LMCD1: variants seen among roughly 807,000 people sequenced by gnomAD.
The protein encoded by LMCD1 is LIM and cysteine rich domains 1, also known as LIM and cysteine-rich domains protein 1.
In LMCD1, 32 loss-of-function variants were observed where a neutral mutation model predicts 42.7. That is an observed-to-expected ratio of 0.75 (90% CI 0.57 to 1.01). The LOEUF is 1.01. Ranked by LOEUF, LMCD1 falls within the 50% of genes least tolerant of loss-of-function variation. The pLI is 0.00. For synonymous variants in LMCD1, 178 were observed against 184.9 expected (o/e 0.96, Z 0.30); for missense variants, 458 against 483.1 (o/e 0.95, Z 0.49).
At chr3:8,530,558 T>C (rs1354920018) in intron 1 of LMCD1, among the ~76,000 whole-genome samples, 1 of 152,236 alleles carries the variant, frequency 6.6e-6, no homozygotes, top group African/African-American at 2.4e-5. Context: ...AGCTGAAGTG[T>C]GCAGGGTGCT....
At chr3:8,554,800 A>C (rs1694901626) in intron 4 of LMCD1, among the ~76,000 whole-genome samples, 1 of 152,134 alleles carries the variant, frequency 6.6e-6, no homozygotes, top group Non-Finnish European at 1.5e-5. Flanking sequence ...AATTAAATAC[A>C]CAGATTTCCC....
At chr3:8,506,248 G>C (rs1271607278) in intron 1 of LMCD1, among the ~76,000 whole-genome samples, 1 of 152,160 alleles carries the variant, frequency 6.6e-6, no homozygotes, top group African/African-American at 2.4e-5. Context: ...AAGCATCTCA[G>C]CTCCAAGGCT....
chr3:8,543,698 T>C (rs967256483), intron 3 of LMCD1, among the ~76,000 whole-genome samples: 1 of 152,170 alleles, frequency 6.6e-6, no homozygotes, highest in Non-Finnish European at 1.5e-5. Context: ...CCAGGTTGGC[T>C]TCAAGCAATC....
In LMCD1 at chr3:8,517,848, G is replaced by A. The variant is rs543750077; in HGVS notation, c.43-14889G>A. Among the ~76,000 whole-genome samples the A allele has an allele frequency of 3.3e-4, 50 of 152,158 alleles. 1 individual carries two copies. The South Asian group carries it at 1.0e-2, about 30-fold the overall frequency. ...AGAGATAATTTTTTTCAAGAAATAT[G>A]TTTTTAAACATGTGTTTAAAGAAAA... On this transcript the variant is annotated intron_variant, in intron 1 of 5. Coordinates refer to ENST00000157600, the MANE Select transcript of LMCD1 (RefSeq NM_014583.4).
At position 8,533,535 on chromosome 3, in the gene LMCD1, G is replaced by T. The variant is rs1694452472; in HGVS notation, c.131+710G>T. Reference sequence around the variant, plus strand: ...TTCTGTGGAGCACATAGCAAAGAAAGAGTTTTTATCACCACTGCTGTAGCG... The same window carrying T: ...TTCTGTGGAGCACATAGCAAAGAAATAGTTTTTATCACCACTGCTGTAGCG... On this transcript the variant is annotated intron_variant, in intron 2 of 5. Transcript: ENST00000157600. 2.6e-5 allele frequency among the ~76,000 whole-genome samples: 4 copies of T among 152,170 alleles called. No individual in the cohort carries two copies. The South Asian group carries it at 8.3e-4, about 32-fold the overall frequency.
rs970817727 is a variant in LMCD1 at position 8,571,574 on chromosome 3, A to G, written c.*3976A>G. On this transcript the variant is annotated 3_prime_UTR_variant, in exon 6 of 6. Coordinates refer to ENST00000157600, the MANE Select transcript of LMCD1 (RefSeq NM_014583.4). ...AGATATGACTTTGGGGATGGAGACA[A>G]AGGGAGGATGGAGAGAAACGACTGG... 6.6e-6 allele frequency: 1 copy of G among 152,176 alleles called. No individual in the cohort carries two copies. The highest frequency in any genetic ancestry group is 1.9e-4 in the East Asian group (1 of 5,182). The allele number at this position is 152,176 out of a possible 1,614,324, so 9.4% of individuals were successfully genotyped here. A position where few individuals can be genotyped will look rare whatever the true frequency, so the allele number is the denominator to read the frequency against.
Position 8,563,170 on chromosome 3 carries a change from G to T in LMCD1, c.724-2262G>T, listed in dbSNP as rs148030800. 1.3e-3 allele frequency among the ~76,000 whole-genome samples: 193 copies of T among 152,322 alleles called. 1 individual carries two copies. Among genetic ancestry groups the T allele is most frequent in the African/African-American group, 4.4e-3 (185 of 41,574 alleles). On this transcript the variant is annotated intron_variant, in intron 4 of 5. Coordinates refer to ENST00000157600, the MANE Select transcript of LMCD1 (RefSeq NM_014583.4). ...GCAAGCATAGTTGGATGTGGCTCCT[G>T]CTTCCATCTAGTGTAGAAAGAACAG...
At chr3:8,530,076 G>A (rs1694383698) in intron 1 of LMCD1, among the ~76,000 whole-genome samples, 1 of 152,174 alleles carries the variant, frequency 6.6e-6, no homozygotes, top group African/African-American at 2.4e-5. Flanking sequence ...CGAAACAGTT[G>A]CTTGCTCTCT....
At chr3:8,537,049 G>T (rs143170239) in intron 2 of LMCD1, 136 bp from the exon 3 acceptor site, 2 of 950,412 alleles carry the variant, frequency 2.1e-6, no homozygotes, top group Middle Eastern at 3.2e-4. Context: ...TTTGTCTCAG[G>T]TTACCATTTG....
chr3:8,527,411 T>A (rs761700093), intron 1 of LMCD1, among the ~76,000 whole-genome samples: 12 of 152,160 alleles, frequency 7.9e-5, no homozygotes, highest in Non-Finnish European at 1.5e-4. Context: ...TATACTTCAG[T>A]GGGAAGTCAT....
chr3:8,512,294 T>G (rs2125011856), intron 1 of LMCD1, among the ~76,000 whole-genome samples: 1 of 152,354 alleles, frequency 6.6e-6, no homozygotes, highest in Middle Eastern at 3.4e-3. Flanking sequence ...ACTTCAAATA[T>G]CTGACTTGGT....
chr3:8,545,483 G>A (rs1037872555), intron 3 of LMCD1, among the ~76,000 whole-genome samples: 42 of 152,316 alleles, frequency 2.8e-4, no homozygotes, highest in African/African-American at 9.9e-4. Context: ...GAAGCAGCTA[G>A]GAATCGTCCT....
At position 8,550,132 on chromosome 3, in the gene LMCD1, G is replaced by T. The variant is rs1694814196; in HGVS notation, c.723+1229G>T. On this transcript the variant is annotated intron_variant, in intron 4 of 5. Coordinates refer to ENST00000157600, the MANE Select transcript of LMCD1 (RefSeq NM_014583.4). ...GAGAAAACAGAAAGGAGAAGCCAGA[G>T]TTGGGGAGATGAAAGCCTCATGGCT... 7 of 1,376,338 alleles carry T rather than the reference G, an allele frequency of 5.1e-6. No homozygotes were observed. The South Asian group carries it at 7.6e-5, about 15-fold the overall frequency. The allele number at this position is 1,376,338 out of a possible 1,614,324, so 85.3% of individuals were successfully genotyped here.
At chr3:8,521,580 A>G (rs910464603) in intron 1 of LMCD1, among the ~76,000 whole-genome samples, 11 of 152,208 alleles carry the variant, frequency 7.2e-5, no homozygotes, top group African/African-American at 2.7e-4. Context: ...CTGTTCCAAG[A>G]GTTGCAAACC....
Position 8,537,168 on chromosome 3 carries a change from C to A in LMCD1, c.132-17C>A. 1 of 1,611,728 alleles carries A rather than the reference C, an allele frequency of 6.2e-7. No individual in the cohort carries two copies. Among genetic ancestry groups the A allele is most frequent in the South Asian group, 1.1e-5 (1 of 90,902 alleles). On this transcript the variant is annotated splice_polypyrimidine_tract_variant and intron_variant, in intron 2 of 5. Transcript: ENST00000157600. ...CCTGGAGGTTAATCTCACTGGTCCCCATCCACCCACCCCCAGGAAAATATG... is the reference window on the plus strand; with the variant it reads ...CCTGGAGGTTAATCTCACTGGTCCCAATCCACCCACCCCCAGGAAAATATG...
chr3:8,504,834 G>T (rs1693845619), intron 1 of LMCD1, among the ~76,000 whole-genome samples: 1 of 152,188 alleles, frequency 6.6e-6, no homozygotes, highest in Non-Finnish European at 1.5e-5. Context: ...CCATTTTTCT[G>T]GGTGAAACCA....
chr3:8,504,738 G>C (rs1459066873), intron 1 of LMCD1, among the ~76,000 whole-genome samples: 4 of 152,178 alleles, frequency 2.6e-5, no homozygotes, highest in Non-Finnish European at 5.9e-5. Context: ...TATTAGGAAA[G>C]AGAAGGTTTC....
Position 8,572,201 on chromosome 3 carries a change from A to G in LMCD1, c.*4603A>G, listed in dbSNP as rs1356152861. The G allele has an allele frequency of 1.3e-5, 2 of 152,232 alleles. No homozygotes were observed. The highest frequency in any genetic ancestry group is 2.9e-5 in the Non-Finnish European group (2 of 68,030). The allele number at this position is 152,232 out of a possible 1,614,324, so 9.4% of individuals were successfully genotyped here. ...AAATATCCATTAAATTAGGTTTGTC[A>G]GATATTTCCTCGAAATTAGATTCAG... On this transcript the variant is annotated 3_prime_UTR_variant, in exon 6 of 6. Coordinates refer to ENST00000157600, the MANE Select transcript of LMCD1 (RefSeq NM_014583.4).
rs1295860669 is a variant in LMCD1, at chr3:8,528,794, C to A, written c.43-3943C>A. Among the ~76,000 whole-genome samples the A allele has an allele frequency of 2.0e-5, 3 of 152,208 alleles. No homozygotes were observed. The East Asian group carries it at 5.8e-4, about 30-fold the overall frequency. ...TCCCTCTAAGACTTCCCTTGGGATT[C>A]ACCTGAAGGCAAATGCTTGAGAGAG... On this transcript the variant is annotated intron_variant, in intron 1 of 5. Coordinates refer to ENST00000157600, the MANE Select transcript of LMCD1 (RefSeq NM_014583.4).
Sources: allele counts gnomAD v4.1 joint callset (sites outside exome capture counted in the v4.1 genomes callset), GRCh38; gene constraint gnomAD v4.1.1; transcripts MANE v1.5; gene names NCBI Gene and HGNC (gene_info 2026-07-23, HGNC 2026-07-21).